RPTOR: variants seen among roughly 807,000 people sequenced by gnomAD.
RPTOR encodes the protein regulatory associated protein of MTOR complex 1.
A neutral mutation model predicts 169.9 loss-of-function variants in RPTOR; 21 were observed. The ratio of observed to expected loss-of-function variants is 0.12; its 90% CI spans 0.09 to 0.18. RPTOR has a LOEUF of 0.18. RPTOR is among the 10% of genes least tolerant of loss of function. The probability of loss-of-function intolerance (pLI) is 1.00; values close to 1 mark genes in which losing one functional copy is unlikely to be tolerated. For missense variants in RPTOR, 1,133 were observed against 1,855.9 expected, an observed-to-expected ratio of 0.61 and a Z score of 7.16; for synonymous variants, 732 against 753.2, an observed-to-expected ratio of 0.97 and a Z score of 0.46.
In RPTOR at chr17:80,897,049, G is replaced by A. The variant is rs533576047; in HGVS notation, c.2401+3184G>A. On this transcript the variant is annotated intron_variant, in intron 20 of 33. Coordinates refer to ENST00000306801, the MANE Select transcript of RPTOR (RefSeq NM_020761.3). ...GCGGAGGCCGAGACGGGCGGATCAC[G>A]AGGTCAGGAGATCAAGACCATCCCG... Among the ~76,000 whole-genome samples, 5 of 152,118 alleles carry A rather than the reference G, an allele frequency of 3.3e-5. No homozygotes were observed. In the South Asian group the frequency reaches 6.2e-4, roughly 19 times the overall value.
intron 13 of RPTOR, among the ~76,000 whole-genome samples, chr17:80,858,623 G>A (rs1004629123): frequency 3.3e-5 from 5 of 152,204 alleles, no homozygotes; most frequent in Non-Finnish European, 7.3e-5. Context: ...AGCTACCAGC[G>A]AGATGGGTCA....
intron 6 of RPTOR, chr17:80,774,117 C>A (rs1308460292): frequency 1.0e-6 from 1 of 985,436 alleles, no homozygotes; most frequent in Non-Finnish European, 1.2e-6. Flanking sequence ...AAAGGCTCCT[C>A]TCCTGTTGGT....
At chr17:80,655,225 G>A (rs7210730) in intron 3 of RPTOR, among the ~76,000 whole-genome samples, 102,741 of 151,910 alleles carry the variant, frequency 0.68, 35,066 homozygotes, top group Non-Finnish European at 0.73. Context: ...AGCTGGGACT[G>A]CAGGCACATG....
chr17:80,603,595 A>G (rs1294768296), intron 1 of RPTOR, among the ~76,000 whole-genome samples: 2 of 152,198 alleles, frequency 1.3e-5, no homozygotes, highest in Admixed American at 1.3e-4. Context: ...TCTAATACTC[A>G]TGGGCATGAT....
intron 1 of RPTOR, among the ~76,000 whole-genome samples, chr17:80,564,670 G>C (rs1400146775): frequency 2.0e-5 from 3 of 149,908 alleles, no homozygotes; most frequent in Non-Finnish European, 4.4e-5. Context: ...ACAGAGGTTT[G>C]TGTACAGATT....
At chr17:80,920,749 C>G (rs181769389) in intron 21 of RPTOR, among the ~76,000 whole-genome samples, 1 of 152,358 alleles carries the variant, frequency 6.6e-6, no homozygotes, top group East Asian at 1.9e-4. Flanking sequence ...TTGCTAAAGG[C>G]TTCATTTCAA....
intron 5 of RPTOR, among the ~76,000 whole-genome samples, chr17:80,741,195 C>T (rs772602423): frequency 3.9e-5 from 6 of 152,176 alleles, no homozygotes; most frequent in East Asian, 1.9e-4. Context: ...TCTAGAATAG[C>T]GCTTGGCCCA....
At chr17:80,907,922 G>A (rs1049355537) in intron 20 of RPTOR, among the ~76,000 whole-genome samples, 7 of 152,110 alleles carry the variant, frequency 4.6e-5, no homozygotes, top group South Asian at 2.1e-4. Context: ...AGTCACTCTC[G>A]CTCCTTCCTG....
chr17:80,826,539 G>A (rs1445625522), intron 9 of RPTOR, among the ~76,000 whole-genome samples: 2 of 152,256 alleles, frequency 1.3e-5, no homozygotes, highest in Non-Finnish European at 2.9e-5. Context: ...CCCAGGTACA[G>A]CGGAGTGAAC....
intron 7 of RPTOR, among the ~76,000 whole-genome samples, chr17:80,796,075 C>G (rs995832910): frequency 7.9e-5 from 12 of 152,220 alleles, no homozygotes; most frequent in African/African-American, 2.7e-4. Flanking sequence ...GCCGTGCTCT[C>G]GAGGCCCATT....
intron 6 of RPTOR, among the ~76,000 whole-genome samples, chr17:80,763,754 C>T (rs765112028): frequency 4.6e-5 from 7 of 152,178 alleles, no homozygotes; most frequent in East Asian, 1.9e-4. Flanking sequence ...GTGTGAACTC[C>T]GTGGCAGACC....
At position 80,880,475 on chromosome 17, in the gene RPTOR, G is replaced by A; in HGVS notation, c.1570G>A (p.Asp524Asn). 6 of 1,613,638 alleles carry A rather than the reference G, an allele frequency of 3.7e-6. No individual in the cohort carries two copies. Among genetic ancestry groups the A allele is most frequent in the Non-Finnish European group, 5.1e-6 (6 of 1,180,002 alleles). Residue 524 changes from aspartate to asparagine, a missense_variant, in exon 14 of 34, where the codon GAC becomes AAC. By Grantham distance (23) the Asp-to-Asn change is conservative. Coordinates refer to ENST00000306801, the MANE Select transcript of RPTOR (RefSeq NM_020761.3). ...CAAGTACTTCCTGTCGGTCCTGGCG[G>A]ACCCCTACATGCCAGTAAGGACGGG... ...GHKYFLSVLA[D>N]PYMPAEHRTM...
intron 2 of RPTOR, among the ~76,000 whole-genome samples, chr17:80,634,038 CAG>C (rs2065461977): frequency 6.6e-6 from 1 of 151,342 alleles, no homozygotes; most frequent in African/African-American, 2.4e-5. Flanking sequence ...TCTCGCTGGA[CAG>C]AGCAAGGAAA....
intron 3 of RPTOR, among the ~76,000 whole-genome samples, chr17:80,647,733 CTCCTCAGTCAT>C (rs2065607752): frequency 6.6e-6 from 1 of 152,154 alleles, no homozygotes; most frequent in Non-Finnish European, 1.5e-5. Context: ...GCGGAAGGCG[CTCCTCAGTCAT>C]GGAGCCACGT....
intron 10 of RPTOR, among the ~76,000 whole-genome samples, chr17:80,838,444 C>A (rs1167286847): frequency 1.3e-5 from 2 of 152,224 alleles, no homozygotes; most frequent in East Asian, 3.9e-4. Context: ...AGCTGAGCCA[C>A]CCTACGGCGG....
chr17:80,559,826 G>A (rs4297763), intron 1 of RPTOR, among the ~76,000 whole-genome samples: 3 of 152,006 alleles, frequency 2.0e-5, no homozygotes, highest in African/African-American at 7.3e-5. Context: ...AATGGCTAAC[G>A]CTGGCCACTT....
intron 1 of RPTOR, among the ~76,000 whole-genome samples, chr17:80,620,986 A>G (rs2065349975): frequency 6.6e-6 from 1 of 152,246 alleles, no homozygotes. Context: ...CTTTAAAAGT[A>G]TAATGCAGGA....
intron 9 of RPTOR, among the ~76,000 whole-genome samples, chr17:80,828,710 AC>A (rs1437713288): frequency 6.6e-6 from 1 of 152,214 alleles, no homozygotes; most frequent in African/African-American, 2.4e-5. Flanking sequence ...CTAAGGAAAA[AC>A]CAAGCAACGG....
chr17:80,837,016 G>A (rs1018532526), intron 9 of RPTOR, among the ~76,000 whole-genome samples: 3 of 152,152 alleles, frequency 2.0e-5, no homozygotes, highest in African/African-American at 4.8e-5. Context: ...CAGGGAAAGG[G>A]CTGTGGAAGC....
Sources: allele counts gnomAD v4.1 joint callset (sites outside exome capture counted in the v4.1 genomes callset), GRCh38; gene constraint gnomAD v4.1.1; transcripts MANE v1.5; gene names NCBI Gene and HGNC (gene_info 2026-07-23, HGNC 2026-07-21).